Variants in CNTN5 observed in about 807,000 individuals in gnomAD.
CNTN5 encodes the protein contactin 5.
CNTN5 carries 77 observed loss-of-function variants against 129.1 expected under a neutral mutation model. The observed-to-expected ratio is 0.60, with a 90% CI of 0.50 to 0.72. The LOEUF is 0.72. CNTN5 is among the 30% of genes least tolerant of loss of function. CNTN5 has a pLI of 0.00. For synonymous variants in CNTN5, 509 were observed against 465.6 expected, an observed-to-expected ratio of 1.09 and a Z score of -1.20; for missense variants, 1,478 against 1,328.8, an observed-to-expected ratio of 1.11 and a Z score of -1.75.
At chr11:99,337,292 A>G (rs1028853642) in intron 2 of CNTN5, among the ~76,000 whole-genome samples, 5 of 152,148 alleles carry the variant, frequency 3.3e-5, no homozygotes, top group Middle Eastern at 3.2e-3. Flanking sequence ...TAGAGGAATT[A>G]AAGACACACA....
At chr11:99,821,834 G>T (rs1250342398) in intron 4 of CNTN5, among the ~76,000 whole-genome samples, 1 of 152,118 alleles carries the variant, frequency 6.6e-6, no homozygotes, top group Non-Finnish European at 1.5e-5. Flanking sequence ...TTACTGAGTG[G>T]CAAGGCTCTA....
chr11:99,202,194 C>T (rs1245791325), intron 1 of CNTN5, among the ~76,000 whole-genome samples: 1 of 152,142 alleles, frequency 6.6e-6, no homozygotes, highest in African/African-American at 2.4e-5. Flanking sequence ...GAGCCAATTA[C>T]TCATCTAAAA....
chr11:99,742,964 G>C (rs968975173), intron 3 of CNTN5, among the ~76,000 whole-genome samples: 10 of 152,168 alleles, frequency 6.6e-5, no homozygotes, highest in Admixed American at 2.0e-4. Flanking sequence ...TTTACCTACT[G>C]ACATGTTTAT....
intron 6 of CNTN5, among the ~76,000 whole-genome samples, chr11:99,852,706 G>A (rs1316829240): frequency 6.6e-6 from 1 of 151,974 alleles, no homozygotes; most frequent in Non-Finnish European, 1.5e-5. Flanking sequence ...CTTGGCACAG[G>A]GTATATTTTA....
At chr11:100,241,578 C>T (rs370432254) in intron 16 of CNTN5, among the ~76,000 whole-genome samples, 2 of 152,248 alleles carry the variant, frequency 1.3e-5, no homozygotes, top group African/African-American at 2.4e-5. Flanking sequence ...CTAGTCTGAA[C>T]CTATTACAGA....
At chr11:99,438,196 A>G (rs1033893578) in intron 2 of CNTN5, among the ~76,000 whole-genome samples, 3 of 152,224 alleles carry the variant, frequency 2.0e-5, no homozygotes, top group South Asian at 2.1e-4. Flanking sequence ...TAAATACTTA[A>G]TAAAGCATGA....
intron 1 of CNTN5, among the ~76,000 whole-genome samples, chr11:99,021,586 GGATAAAGT>G (rs1175849314): frequency 6.6e-6 from 1 of 152,176 alleles, no homozygotes; most frequent in Non-Finnish European, 1.5e-5. Flanking sequence ...ATAAATGCCA[GGATAAAGT>G]GAGGATGTTT....
intron 1 of CNTN5, among the ~76,000 whole-genome samples, chr11:99,283,333 T>C (rs1199351373): frequency 1.3e-5 from 2 of 152,146 alleles, no homozygotes; most frequent in African/African-American, 2.4e-5. Flanking sequence ...CTAAAAATTT[T>C]AGCTAAAAAT....
At chr11:99,711,597 C>T (rs550446696) in intron 3 of CNTN5, among the ~76,000 whole-genome samples, 2 of 151,922 alleles carry the variant, frequency 1.3e-5, no homozygotes, top group African/African-American at 4.8e-5. Context: ...CCATCATTCA[C>T]GTTAGGTATT....
chr11:100,352,833 A>C (rs1952446708), intron 24 of CNTN5, among the ~76,000 whole-genome samples: 1 of 151,782 alleles, frequency 6.6e-6, no homozygotes, highest in Non-Finnish European at 1.5e-5. Context: ...AGAGCATCTT[A>C]AAAGACTATT....
At chr11:99,172,434 C>G (rs1861190137) in intron 1 of CNTN5, among the ~76,000 whole-genome samples, 2 of 151,904 alleles carry the variant, frequency 1.3e-5, no homozygotes, top group Admixed American at 6.6e-5. Context: ...TGTATTGCAC[C>G]TTTTGATGAG....
chr11:99,557,388 A>G (rs1249444647), intron 3 of CNTN5, among the ~76,000 whole-genome samples: 3 of 151,244 alleles, frequency 2.0e-5, no homozygotes, highest in Admixed American at 1.3e-4. Flanking sequence ...ATATTGCCTC[A>G]TCTTCTATAT....
chr11:99,236,926 A>G (rs1470321599), intron 1 of CNTN5, among the ~76,000 whole-genome samples: 1 of 151,258 alleles, frequency 6.6e-6, no homozygotes, highest in African/African-American at 2.4e-5. Flanking sequence ...TATTCCTACA[A>G]TGTATTTTAA....
chr11:99,119,714 C>G (rs1248153809), intron 1 of CNTN5, among the ~76,000 whole-genome samples: 1 of 152,090 alleles, frequency 6.6e-6, no homozygotes, highest in Non-Finnish European at 1.5e-5. Flanking sequence ...AATCGCCACC[C>G]TGCTTTCCAC....
At chr11:99,860,281 T>A (rs79433622) in intron 6 of CNTN5, among the ~76,000 whole-genome samples, 1 of 150,708 alleles carries the variant, frequency 6.6e-6, no homozygotes, top group Non-Finnish European at 1.5e-5. Context: ...TGACAGTTTC[T>A]TTTTTTTTGT....
chr11:100,096,585 G>A (rs149307606), intron 13 of CNTN5, among the ~76,000 whole-genome samples: 240 of 152,046 alleles, frequency 1.6e-3, no homozygotes, highest in African/African-American at 5.5e-3. Flanking sequence ...TGACTGCCTA[G>A]GCCTTATTGG....
intron 3 of CNTN5, among the ~76,000 whole-genome samples, chr11:99,587,191 G>GTC (rs1397932182): frequency 3.9e-5 from 6 of 152,186 alleles, no homozygotes; most frequent in Admixed American, 3.9e-4. Context: ...TGGATATCCT[G>GTC]TCTCTGACAA....
rs561376927 is a variant in CNTN5, at chr11:100,357,638, T to A, written c.*1418T>A. On this transcript the variant is annotated 3_prime_UTR_variant, in exon 25 of 25. Coordinates refer to ENST00000524871, the MANE Select transcript of CNTN5 (RefSeq NM_014361.4). ...GGAGAAACTATGGTTTTATAGGCGA[T>A]GTTAACAAGAGAACAAAAATTGGTT... 1 of 151,632 alleles carries A rather than the reference T, an allele frequency of 6.6e-6. No homozygotes were observed. The highest frequency in any genetic ancestry group is 1.5e-5 in the Non-Finnish European group (1 of 67,816). 9.4% of individuals were successfully genotyped at this position (151,632 alleles called of 1,614,324 possible).
intron 1 of CNTN5, among the ~76,000 whole-genome samples, chr11:99,116,285 TC>T (rs970177340): frequency 1.7e-4 from 26 of 152,148 alleles, no homozygotes; most frequent in African/African-American, 6.3e-4. Flanking sequence ...TATATCGATT[TC>T]CCCCAAAATT....
Sources: allele counts gnomAD v4.1 joint callset (sites outside exome capture counted in the v4.1 genomes callset), GRCh38; gene constraint gnomAD v4.1.1; transcripts MANE v1.5; gene names NCBI Gene and HGNC (gene_info 2026-07-23, HGNC 2026-07-21).